DDR2: variants seen among roughly 807,000 people sequenced by gnomAD.
DDR2 encodes the protein discoidin domain receptor tyrosine kinase 2.
DDR2 carries 27 observed loss-of-function variants against 94.9 expected under a neutral mutation model. The ratio of observed to expected loss-of-function variants is 0.28; its 90% CI spans 0.21 to 0.39. DDR2 has a LOEUF of 0.39. Among genes scored for constraint, DDR2 ranks in the 10% least tolerant of loss-of-function variants. DDR2 has a pLI of 1.00. For missense variants in DDR2, 783 were observed against 1,076.0 expected (o/e 0.73, Z 3.81); for synonymous variants, 382 against 377.2 (o/e 1.01, Z -0.15).
At position 162,637,146 on chromosome 1, in the gene DDR2, G is replaced by A. The variant is rs577950361; in HGVS notation, c.-192+4515G>A. On this transcript the variant is annotated intron_variant, in intron 1 of 17. Transcript: ENST00000367921. Reference sequence around the variant, plus strand: ...TGCTGGACACTGTTCTATGTTTTATGATGAACAAACCCCATGAAGTTACAA... The same window carrying A: ...TGCTGGACACTGTTCTATGTTTTATAATGAACAAACCCCATGAAGTTACAA... Among the ~76,000 whole-genome samples the A allele has an allele frequency of 1.5e-3, 230 of 152,196 alleles. 3 individuals are homozygous for A. The highest frequency in any genetic ancestry group is 5.2e-3 in the African/African-American group (215 of 41,548).
chr1:162,671,307 A>G (rs1034415750), intron 2 of DDR2, among the ~76,000 whole-genome samples: 1 of 152,164 alleles, frequency 6.6e-6, no homozygotes, highest in Admixed American at 6.5e-5. Flanking sequence ...CATTTATTTA[A>G]TGCCAGGCTA....
chr1:162,766,504 T>A (rs1258485180), intron 10 of DDR2, among the ~76,000 whole-genome samples: 1 of 152,188 alleles, frequency 6.6e-6, no homozygotes, highest in Non-Finnish European at 1.5e-5. Flanking sequence ...ACATGTGGGA[T>A]TGAATGTGTC....
chr1:162,656,150 T>A (rs1385800151), intron 2 of DDR2, among the ~76,000 whole-genome samples: 1 of 152,208 alleles, frequency 6.6e-6, no homozygotes, highest in East Asian at 1.9e-4. Flanking sequence ...ATTTCTAGAT[T>A]GTGTCTGAGA....
chr1:162,706,506 G>T lies in DDR2; in HGVS notation c.-27-12531G>T, dbSNP rs142979640. Among the ~76,000 whole-genome samples the T allele has an allele frequency of 2.3e-3, 346 of 152,334 alleles. 3 individuals carry two copies. The highest frequency in any genetic ancestry group is 8.0e-3 in the African/African-American group (331 of 41,580). On this transcript the variant is annotated intron_variant, in intron 2 of 17. Coordinates refer to ENST00000367921, the MANE Select transcript of DDR2 (RefSeq NM_006182.4). ...GGCAACTCACAAGCCATAAGCTCTT[G>T]TGCAAAGGGGCTGGTAAATGTGAGT...
At chr1:162,772,838 A>G (rs1405247677) in intron 13 of DDR2, among the ~76,000 whole-genome samples, 2 of 152,190 alleles carry the variant, frequency 1.3e-5, no homozygotes, top group Non-Finnish European at 2.9e-5. Flanking sequence ...TTTGAATTCT[A>G]ATAGGAACTC....
intron 1 of DDR2, among the ~76,000 whole-genome samples, chr1:162,639,445 A>G (rs1418459506): frequency 6.6e-6 from 1 of 152,248 alleles, no homozygotes; most frequent in Non-Finnish European, 1.5e-5. Context: ...TGCAAAAATA[A>G]TGAATCTTAG....
In DDR2 at chr1:162,770,379, C is replaced by A; in HGVS notation, c.1371C>A (p.Asn457Lys). 1.2e-6 allele frequency: 2 copies of A among 1,614,112 alleles called. No individual in the cohort carries two copies. Among genetic ancestry groups the A allele is most frequent in the Admixed American group, 3.3e-5 (2 of 60,004 alleles). Residue 457 changes from asparagine to lysine, a missense_variant, in exon 12 of 18, where the codon AAC becomes AAA. Asn to Lys is a moderately conservative substitution (Grantham distance 94). Around this residue, in one of 2 missense-constraint regions of DDR2, gnomAD observed 519 missense variants for 647.9 expected, o/e 0.80. Transcript: ENST00000367921. ...LPSDSSMFNN[N>K]RSSSPSEQGS... ...GTGATTCTAGCATGTTCAACAATAA[C>A]CGCTCCTCATCACCTAGTGAACAAG...
intron 3 of DDR2, among the ~76,000 whole-genome samples, chr1:162,729,300 ATTTTTTTTTT>A (rs869269032): frequency 2.3e-4 from 22 of 93,974 alleles, no homozygotes; most frequent in African/African-American, 4.2e-4. Flanking sequence ...ATATATATAT[ATTTTTTTTTT>A]TTTTTTTTTT....
At chr1:162,773,201 A>G (rs1312216051) in intron 13 of DDR2, among the ~76,000 whole-genome samples, 1 of 152,224 alleles carries the variant, frequency 6.6e-6, no homozygotes, top group Non-Finnish European at 1.5e-5. Flanking sequence ...GTAATATAAT[A>G]TTGTTATTGA....
At chr1:162,658,829 A>AAAT (rs60623253) in intron 2 of DDR2, among the ~76,000 whole-genome samples, 34 of 133,688 alleles carry the variant, frequency 2.5e-4, no homozygotes, top group Admixed American at 1.1e-3. Flanking sequence ...CCTGTCTCAA[A>AAAT]AAATAAATAA....
At chr1:162,712,122 T>C (rs901787687) in intron 2 of DDR2, among the ~76,000 whole-genome samples, 1 of 151,364 alleles carries the variant, frequency 6.6e-6, no homozygotes, top group Non-Finnish European at 1.5e-5. Flanking sequence ...GTGTGAAGCT[T>C]GTTTTGGGAA....
At chr1:162,651,148 A>G (rs1021314399) in intron 1 of DDR2, among the ~76,000 whole-genome samples, 3 of 152,162 alleles carry the variant, frequency 2.0e-5, no homozygotes, top group Admixed American at 2.0e-4. Flanking sequence ...CCCACATGCC[A>G]GGTTCAGCCT....
rs77054645 is a variant in DDR2, at chr1:162,693,658, T to G, written c.-27-25379T>G. On this transcript the variant is annotated intron_variant, in intron 2 of 17. Transcript: ENST00000367921. ...ATAAGAGGATAAAGAATAATGGAGC[T>G]GGGCTGAGGGTTTGGGCACTGACTA... Among the ~76,000 whole-genome samples the G allele has an allele frequency of 2.2e-3, 336 of 152,260 alleles. 5 individuals are homozygous for G. In the East Asian group the frequency reaches 0.035, roughly 16 times the overall value.
At chr1:162,736,299 T>G (rs1345886446) in intron 3 of DDR2, among the ~76,000 whole-genome samples, 1 of 152,160 alleles carries the variant, frequency 6.6e-6, no homozygotes, top group Admixed American at 6.5e-5. Flanking sequence ...CTAATAGAAC[T>G]CTCTTGCTTT....
intron 7 of DDR2, among the ~76,000 whole-genome samples, chr1:162,756,958 G>A (rs193178605): frequency 6.6e-6 from 1 of 152,328 alleles, no homozygotes; most frequent in East Asian, 1.9e-4. Flanking sequence ...GGCCAGGCAT[G>A]TTAGGTATTC....
chr1:162,776,063 A>G, intron 15 of DDR2, 73 bp from the exon 16 acceptor site: 1 of 1,431,726 alleles, frequency 7.0e-7, no homozygotes, highest in Non-Finnish European at 9.8e-7. Context: ...TGTTGATACC[A>G]TTTTAGAATG....
chr1:162,743,232 A>G (rs1662695720), intron 3 of DDR2, among the ~76,000 whole-genome samples: 1 of 152,020 alleles, frequency 6.6e-6, no homozygotes, highest in Non-Finnish European at 1.5e-5. Context: ...GTATGATACA[A>G]GCAGAAGGGC....
chr1:162,772,197 A>C lies in DDR2; in HGVS notation c.1678A>C (p.Arg560=), dbSNP rs531268780. Residue 560 remains arginine (R), a synonymous_variant, in exon 13 of 18, where the codon AGG becomes CGG. Transcript: ENST00000367921. ...AGATGTGGCTGTGGAGGAGTTCCCC[A>C]GGAAACTCCTAACTTTCAAAGAGAA... ...GKDVAVEEFP[R]KLLTFKEKLG... 1.9e-6 allele frequency: 3 copies of C among 1,614,254 alleles called. No homozygotes were observed. In the African/African-American group the frequency reaches 4.0e-5, roughly 22 times the overall value.
intron 3 of DDR2, among the ~76,000 whole-genome samples, chr1:162,744,946 A>T (rs1254696785): frequency 6.6e-6 from 1 of 152,166 alleles, no homozygotes; most frequent in Non-Finnish European, 1.5e-5. Flanking sequence ...ATCATTTTAC[A>T]TTCCCACTAA....
Sources: gnomAD v4.1 joint callset for allele counts (sites outside exome capture counted in the v4.1 genomes callset) on GRCh38, gnomAD v4.1.1 for gene constraint, gnomAD v4.1.1 regional missense constraint, MANE v1.5 for transcripts, NCBI Gene and HGNC (gene_info 2026-07-23, HGNC 2026-07-21) for gene names.